ELMO1: variants seen among roughly 807,000 people sequenced by gnomAD.
ELMO1 encodes the protein engulfment and cell motility 1.
Under a neutral mutation model 98.9 loss-of-function variants are expected in ELMO1, and 26 were observed. The ratio of observed to expected loss-of-function variants is 0.26; its 90% CI spans 0.19 to 0.36. The LOEUF (loss-of-function observed/expected upper bound fraction) is 0.36. Ranked by LOEUF, ELMO1 falls within the 10% of genes least tolerant of loss-of-function variation. ELMO1 has a pLI of 1.00. For synonymous variants in ELMO1, 346 were observed against 346.0 expected (o/e 1.00, Z 0.00); for missense variants, 627 against 935.2 (o/e 0.67, Z 4.30).
intron 15 of ELMO1, among the ~76,000 whole-genome samples, chr7:37,030,541 A>G (rs1794824121): frequency 6.6e-6 from 1 of 152,164 alleles, no homozygotes; most frequent in Non-Finnish European, 1.5e-5. Flanking sequence ...AGTAAGAAAG[A>G]CATTCTATCG....
At chr7:36,908,083 C>T (rs932432052) in intron 16 of ELMO1, among the ~76,000 whole-genome samples, 7 of 152,138 alleles carry the variant, frequency 4.6e-5, no homozygotes, top group African/African-American at 1.7e-4. Flanking sequence ...ATTATTTGAC[C>T]CAACAGCTAA....
intron 15 of ELMO1, among the ~76,000 whole-genome samples, chr7:37,058,736 T>C (rs1796518534): frequency 6.6e-6 from 1 of 152,118 alleles, no homozygotes; most frequent in East Asian, 1.9e-4. Context: ...AAGACACTTC[T>C]AGGAAACCAA....
intron 15 of ELMO1, among the ~76,000 whole-genome samples, chr7:37,075,423 A>G (rs1379090516): frequency 8.6e-5 from 13 of 151,634 alleles, no homozygotes; most frequent in Non-Finnish European, 5.9e-5. Flanking sequence ...CCAAAGTGCT[A>G]GGGTTACAGG....
At chr7:37,211,601 T>C in intron 12 of ELMO1, 84 bp from the exon 13 acceptor site, 2 of 1,526,618 alleles carry the variant, frequency 1.3e-6, no homozygotes, top group African/African-American at 2.8e-5. Context: ...CCTCTTTCCC[T>C]GGGGTCTAAA....
intron 6 of ELMO1, among the ~76,000 whole-genome samples, chr7:37,257,383 G>C (rs975956788): frequency 2.6e-5 from 4 of 152,016 alleles, no homozygotes; most frequent in Non-Finnish European, 4.4e-5. Flanking sequence ...GAGGTCAGGA[G>C]TTTGAGACTG....
At chr7:37,387,751 A>G (rs941513632) in intron 1 of ELMO1, among the ~76,000 whole-genome samples, 2 of 152,204 alleles carry the variant, frequency 1.3e-5, no homozygotes, top group Non-Finnish European at 2.9e-5. Flanking sequence ...TTTTGTATAG[A>G]AAAGGCTCAG....
intron 16 of ELMO1, among the ~76,000 whole-genome samples, chr7:36,939,578 A>C (rs1431804308): frequency 1.3e-5 from 2 of 152,248 alleles, no homozygotes; most frequent in East Asian, 3.8e-4. Context: ...ACATTTTTAA[A>C]ATATTCTCAG....
At chr7:37,122,975 A>G (rs1179405432) in intron 14 of ELMO1, among the ~76,000 whole-genome samples, 1 of 152,214 alleles carries the variant, frequency 6.6e-6, no homozygotes, top group Non-Finnish European at 1.5e-5. Context: ...CTCAGGATTA[A>G]GAAACCCACT....
At chr7:37,344,475 G>C (rs1465766642) in intron 1 of ELMO1, among the ~76,000 whole-genome samples, 2 of 152,222 alleles carry the variant, frequency 1.3e-5, no homozygotes, top group African/African-American at 4.8e-5. Context: ...GTCCCCTGCT[G>C]TGGGCCATTT....
intron 6 of ELMO1, among the ~76,000 whole-genome samples, chr7:37,251,525 T>G (rs1351836872): frequency 6.6e-6 from 1 of 152,162 alleles, no homozygotes; most frequent in African/African-American, 2.4e-5. Flanking sequence ...TGACAAAATC[T>G]CTCACCATTT....
intron 1 of ELMO1, among the ~76,000 whole-genome samples, chr7:37,403,093 A>G (rs1803602689): frequency 6.6e-6 from 1 of 152,250 alleles, no homozygotes. Context: ...TAGATACACA[A>G]TAGAATATTA....
At chr7:37,263,662 T>C (rs1796093865) in intron 5 of ELMO1, among the ~76,000 whole-genome samples, 1 of 152,000 alleles carries the variant, frequency 6.6e-6, no homozygotes, top group South Asian at 2.1e-4. Flanking sequence ...CCCACCACAT[T>C]GGGGAGTGGA....
chr7:37,436,205 G>T (rs1805136272), intron 1 of ELMO1, among the ~76,000 whole-genome samples: 1 of 152,136 alleles, frequency 6.6e-6, no homozygotes, highest in South Asian at 2.1e-4. Flanking sequence ...GTCTTCTTAT[G>T]GGTCTTTAAA....
At chr7:37,367,688 A>C (rs1801958893) in intron 1 of ELMO1, among the ~76,000 whole-genome samples, 1 of 152,202 alleles carries the variant, frequency 6.6e-6, no homozygotes, top group African/African-American at 2.4e-5. Flanking sequence ...ACTGGTGGGC[A>C]TAAGACCAGC....
rs576448310 is a variant in ELMO1 at position 37,443,175 on chromosome 7, A to T, written c.-74+5500T>A. The stretch of plus-strand genomic sequence containing the variant: ...GCTTACCTGATTTTCATTCCCTCAA[A>T]CCACCATTCCCTATCCAGAGTACAA... On this transcript the variant is annotated intron_variant, in intron 1 of 21. Coordinates refer to ENST00000310758, the MANE Select transcript of ELMO1 (RefSeq NM_014800.11). 1.8e-4 allele frequency among the ~76,000 whole-genome samples: 28 copies of T among 152,262 alleles called. No homozygotes were observed. The South Asian group carries it at 5.8e-3, about 32-fold the overall frequency.
intron 16 of ELMO1, among the ~76,000 whole-genome samples, chr7:36,910,983 C>G (rs1292405186): frequency 6.6e-6 from 1 of 152,118 alleles, no homozygotes. Flanking sequence ...GAGAAAATGC[C>G]TTCTAAACGA....
At chr7:36,863,277 A>G (rs1196007420) in intron 20 of ELMO1, among the ~76,000 whole-genome samples, 1 of 152,240 alleles carries the variant, frequency 6.6e-6, no homozygotes, top group Non-Finnish European at 1.5e-5. Context: ...TACCCAGTAA[A>G]GACAATAATG....
intron 16 of ELMO1, among the ~76,000 whole-genome samples, chr7:36,999,134 T>C (rs11978879): frequency 0.052 from 7,875 of 151,680 alleles, 557 homozygotes; most frequent in African/African-American, 0.16. Context: ...GGGTGGTGAG[T>C]GCAGGATAGG....
intron 1 of ELMO1, among the ~76,000 whole-genome samples, chr7:37,376,690 T>G (rs946231591): frequency 6.6e-6 from 1 of 152,116 alleles, no homozygotes; most frequent in African/African-American, 2.4e-5. Context: ...GACCACCAAA[T>G]TGTCCTTTAA....
Sources: gnomAD v4.1 joint callset for allele counts (sites outside exome capture counted in the v4.1 genomes callset) on GRCh38, gnomAD v4.1.1 for gene constraint, MANE v1.5 for transcripts, NCBI Gene and HGNC (gene_info 2026-07-23, HGNC 2026-07-21) for gene names.